CYP19A1: variants seen among roughly 807,000 people sequenced by gnomAD.
CYP19A1 encodes the protein cytochrome P450 family 19 subfamily A member 1.
CYP19A1 carries 32 observed loss-of-function variants against 44.4 expected under a neutral mutation model. That is an observed-to-expected ratio of 0.72 (90% confidence interval 0.54 to 0.97). The LOEUF (loss-of-function observed/expected upper bound fraction) is 0.97. CYP19A1 is among the 50% of genes least tolerant of loss of function. The pLI, the probability that CYP19A1 is intolerant of heterozygous loss-of-function variation, is 0.00. For synonymous variants in CYP19A1, 212 were observed against 215.6 expected (o/e 0.98, Z 0.14); for missense variants, 598 against 637.8 (o/e 0.94, Z 0.67).
In CYP19A1 at chr15:51,327,301, T is replaced by C. The variant is rs565711649; in HGVS notation, c.-39+11194A>G. Among the ~76,000 whole-genome samples, 43 of 152,280 alleles carry C rather than the reference T, an allele frequency of 2.8e-4. 1 individual carries two copies. In the South Asian group the frequency reaches 7.3e-3, roughly 26 times the overall value. ...CAAGCGCCAGGGCTAATTAAACTCC[T>C]GAGTAAAGCCAAGGCACCATTAGGG... is the stretch of plus-strand genomic sequence containing the variant. On this transcript the variant is annotated intron_variant, in intron 1 of 9. Coordinates refer to ENST00000396402, the MANE Select transcript of CYP19A1 (RefSeq NM_000103.4).
chr15:51,276,631 C>G (rs1263873914), intron 1 of CYP19A1, among the ~76,000 whole-genome samples: 1 of 152,196 alleles, frequency 6.6e-6, no homozygotes, highest in Non-Finnish European at 1.5e-5. Flanking sequence ...AATTTTAGTT[C>G]TGAAGGACAA....
At chr15:51,221,069 T>C (rs1566875060) in intron 5 of CYP19A1, among the ~76,000 whole-genome samples, 1 of 151,960 alleles carries the variant, frequency 6.6e-6, no homozygotes, top group Non-Finnish European at 1.5e-5. Context: ...GAAGTCACAA[T>C]ATGAGTTATG....
At chr15:51,254,377 C>CT (rs2034439419) in intron 1 of CYP19A1, among the ~76,000 whole-genome samples, 1 of 152,220 alleles carries the variant, frequency 6.6e-6, no homozygotes, top group African/African-American at 2.4e-5. Context: ...CAAATTAAGT[C>CT]TATCTTCAGT....
chr15:51,249,570 C>CT (rs2034220708), intron 1 of CYP19A1, among the ~76,000 whole-genome samples: 1 of 152,168 alleles, frequency 6.6e-6, no homozygotes, highest in Non-Finnish European at 1.5e-5. Flanking sequence ...GAGCAGGGTA[C>CT]TACATTCAGA....
intron 8 of CYP19A1, among the ~76,000 whole-genome samples, chr15:51,213,385 A>G (rs927372568): frequency 1.3e-5 from 2 of 152,194 alleles, no homozygotes; most frequent in Non-Finnish European, 2.9e-5. Context: ...CAGGATGAAA[A>G]ATAGCCCAGG....
chr15:51,267,299 G>A (rs7181429), intron 1 of CYP19A1, among the ~76,000 whole-genome samples: 66,949 of 151,958 alleles, frequency 0.44, 14,915 homozygotes, highest in African/African-American at 0.48. Context: ...GGTGCCGCCC[G>A]CAGAATCTGC....
At chr15:51,306,810 G>A (rs2036224303) in intron 1 of CYP19A1, among the ~76,000 whole-genome samples, 1 of 152,228 alleles carries the variant, frequency 6.6e-6, no homozygotes, top group Admixed American at 6.5e-5. Flanking sequence ...GAATTGCTAA[G>A]GAGGAGGGAA....
At chr15:51,218,750 A>C in intron 5 of CYP19A1, 95 bp from the exon 6 acceptor site, 2 of 1,534,258 alleles carry the variant, frequency 1.3e-6, no homozygotes, top group Middle Eastern at 1.7e-4. Flanking sequence ...TTCCCTGCAG[A>C]TTCTCCTAAC....
chr15:51,300,815 A>T (rs1241698339), intron 1 of CYP19A1, among the ~76,000 whole-genome samples: 1 of 152,234 alleles, frequency 6.6e-6, no homozygotes, highest in Non-Finnish European at 1.5e-5. Flanking sequence ...TTAGTTTAAA[A>T]ATATATGGTA....
intron 1 of CYP19A1, among the ~76,000 whole-genome samples, chr15:51,275,837 C>G (rs1566907349): frequency 6.6e-6 from 1 of 152,112 alleles, no homozygotes; most frequent in Non-Finnish European, 1.5e-5. Context: ...GTAAAGTGTC[C>G]AAAGTAAATG....
intron 1 of CYP19A1, among the ~76,000 whole-genome samples, chr15:51,308,538 C>T (rs1336783445): frequency 5.3e-5 from 8 of 152,142 alleles, no homozygotes; most frequent in Non-Finnish European, 1.2e-4. Context: ...CTCTTGTGAG[C>T]CCCCAGACTC....
In CYP19A1 at chr15:51,271,282, T is replaced by G. The variant is rs112558806; in HGVS notation, c.-38-28332A>C. Among the ~76,000 whole-genome samples, 929 of 152,260 alleles carry G rather than the reference T, an allele frequency of 6.1e-3. 14 individuals carry two copies. Among genetic ancestry groups the G allele is most frequent in the African/African-American group, 0.021 (878 of 41,546 alleles). Reference sequence around the variant, plus strand: ...CTCTTTCAAGCACCTGTGGGAGCAATACCCCTCTAACCAGGCCTGCGAGTC... The same window carrying G: ...CTCTTTCAAGCACCTGTGGGAGCAAGACCCCTCTAACCAGGCCTGCGAGTC... On this transcript the variant is annotated intron_variant, in intron 1 of 9. Transcript: ENST00000396402.
At chr15:51,291,795 C>G (rs1473508334) in intron 1 of CYP19A1, among the ~76,000 whole-genome samples, 1 of 152,178 alleles carries the variant, frequency 6.6e-6, no homozygotes, top group African/African-American at 2.4e-5. Flanking sequence ...AGGCTAGAAC[C>G]ATGAGCAATA....
intron 2 of CYP19A1, among the ~76,000 whole-genome samples, chr15:51,239,536 T>G (rs941234785): frequency 1.3e-5 from 2 of 152,002 alleles, no homozygotes; most frequent in Admixed American, 6.6e-5. Context: ...AGAAGCAAGA[T>G]AGAAGAATAC....
intron 1 of CYP19A1, among the ~76,000 whole-genome samples, chr15:51,328,521 C>T (rs529666161): frequency 3.9e-5 from 6 of 151,932 alleles, no homozygotes; most frequent in Admixed American, 2.0e-4. Flanking sequence ...ACCACCCTCA[C>T]TGGGAATCCT....
At chr15:51,302,802 C>T (rs909007687) in intron 1 of CYP19A1, among the ~76,000 whole-genome samples, 4 of 152,230 alleles carry the variant, frequency 2.6e-5, no homozygotes, top group African/African-American at 4.8e-5. Context: ...AGTCCCACAA[C>T]CCTTGAAATT....
chr15:51,326,111 T>G lies in CYP19A1; in HGVS notation c.-39+12384A>C, dbSNP rs184700412. 2.2e-3 allele frequency among the ~76,000 whole-genome samples: 335 copies of G among 152,292 alleles called. 1 individual carries two copies. Among genetic ancestry groups the G allele is most frequent in the Non-Finnish European group, 4.2e-3 (286 of 68,016 alleles). On this transcript the variant is annotated intron_variant, in intron 1 of 9. Coordinates refer to ENST00000396402, the MANE Select transcript of CYP19A1 (RefSeq NM_000103.4). The stretch of plus-strand genomic sequence containing the variant: ...ACACCATTATAAAACTGAAAAATCA[T>G]AAGTTGAATCATTATAAGTCAGAGG...
At chr15:51,311,639 C>CT (rs1408471293) in intron 1 of CYP19A1, among the ~76,000 whole-genome samples, 1 of 152,184 alleles carries the variant, frequency 6.6e-6, no homozygotes, top group Non-Finnish European at 1.5e-5. Context: ...AAACCTCTAA[C>CT]AGGATAAATG....
At chr15:51,211,164 T>A (rs956732794) in intron 9 of CYP19A1, 108 bp from the exon 10 acceptor site, 5 of 767,174 alleles carry the variant, frequency 6.5e-6, no homozygotes, top group African/African-American at 5.1e-5. Flanking sequence ...GTTTTGGGGT[T>A]ATCAGCTACA....
Sources: gnomAD v4.1 joint callset for allele counts (sites outside exome capture counted in the v4.1 genomes callset) on GRCh38, gnomAD v4.1.1 for gene constraint, MANE v1.5 for transcripts, NCBI Gene and HGNC (gene_info 2026-07-23, HGNC 2026-07-21) for gene names.